Variants in BRINP3 observed in about 807,000 individuals in gnomAD.
BRINP3 encodes BMP/retinoic acid-inducible neural-specific protein 3.
BRINP3 carries 19 observed loss-of-function variants against 71.0 expected under a neutral mutation model. The ratio of observed to expected loss-of-function variants is 0.27; its 90% CI spans 0.19 to 0.39. The LOEUF is 0.39. Ranked by LOEUF, BRINP3 falls within the 10% of genes least tolerant of loss-of-function variation. The probability of loss-of-function intolerance (pLI) is 1.00; values close to 1 mark genes in which losing one functional copy is unlikely to be tolerated. For synonymous variants in BRINP3, 380 were observed against 337.7 expected (o/e 1.13, Z -1.37); for missense variants, 959 against 940.8 (o/e 1.02, Z -0.25).
intron 2 of BRINP3, among the ~76,000 whole-genome samples, chr1:190,426,220 C>G (rs779051837): frequency 1.3e-5 from 2 of 151,686 alleles, no homozygotes; most frequent in African/African-American, 4.8e-5. Context: ...CCAGTCTCAC[C>G]TTTATGTAGA....
intron 2 of BRINP3, among the ~76,000 whole-genome samples, chr1:190,372,459 C>G (rs1669927449): frequency 6.6e-6 from 1 of 152,164 alleles, no homozygotes; most frequent in Non-Finnish European, 1.5e-5. Context: ...CTTTGTGATG[C>G]TCAGGTTACA....
intron 2 of BRINP3, among the ~76,000 whole-genome samples, chr1:190,437,348 A>T (rs1001100114): frequency 6.6e-6 from 1 of 151,738 alleles, no homozygotes; most frequent in African/African-American, 2.4e-5. Flanking sequence ...TTAACATCTT[A>T]AACGACATAA....
rs1222112915 is a variant in BRINP3, at chr1:190,165,460, TTGTGTGTGTG to T, written c.962-4580_962-4571del. Among the ~76,000 whole-genome samples, 434 of 94,944 alleles carry T rather than the reference TTGTGTGTGTG, an allele frequency of 4.6e-3. 10 individuals are homozygous for T. The highest frequency in any genetic ancestry group is 5.9e-3 in the Non-Finnish European group (296 of 50,500). The allele number at this position is 94,944 out of a possible 152,430, so 62.3% of individuals were successfully genotyped here. On this transcript the variant is annotated intron_variant, in intron 6 of 7. Transcript: ENST00000367462. ...CATTGGCTGTTTTTTTTTTTTTTTT[TTGTGTGTGTG>T]TGTGTGTGTGTGTGTGTGTGTGTGT...
At chr1:190,282,098 C>T (rs1048023382) in intron 2 of BRINP3, among the ~76,000 whole-genome samples, 1 of 151,526 alleles carries the variant, frequency 6.6e-6, no homozygotes, top group African/African-American at 2.4e-5. Flanking sequence ...TTTTCATTTT[C>T]TAAGGTATAT....
intron 2 of BRINP3, among the ~76,000 whole-genome samples, chr1:190,339,427 T>G (rs999220967): frequency 6.6e-6 from 1 of 152,018 alleles, no homozygotes; most frequent in African/African-American, 2.4e-5. Context: ...TAGAATCACA[T>G]CTCAGTTCAC....
Position 190,159,744 on chromosome 1 carries a change from G to A in BRINP3, c.1184+924C>T, listed in dbSNP as rs1448602236. 2.0e-5 allele frequency among the ~76,000 whole-genome samples: 3 copies of A among 151,788 alleles called. No homozygotes were observed. The East Asian group carries it at 5.8e-4, about 29-fold the overall frequency. On this transcript the variant is annotated intron_variant, in intron 7 of 7. Coordinates refer to ENST00000367462, the MANE Select transcript of BRINP3 (RefSeq NM_199051.3). ...GTAATCCATTCCTTTTTGAGGCAAT[G>A]AAAATGACCTCACCTTAGATTATGA... is the stretch of plus-strand genomic sequence containing the variant.
intron 7 of BRINP3, among the ~76,000 whole-genome samples, chr1:190,138,514 A>G (rs1655162123): frequency 6.6e-6 from 1 of 152,152 alleles, no homozygotes. Flanking sequence ...CAGACAAGAG[A>G]GTCGTAGGAA....
chr1:190,245,187 CAG>C (rs1323698382), intron 4 of BRINP3, among the ~76,000 whole-genome samples: 1 of 151,462 alleles, frequency 6.6e-6, no homozygotes, highest in African/African-American at 2.4e-5. Flanking sequence ...ATTAGAAAGA[CAG>C]AAGTGGATTT....
intron 4 of BRINP3, among the ~76,000 whole-genome samples, chr1:190,240,736 G>A (rs920330716): frequency 2.5e-4 from 38 of 151,652 alleles, no homozygotes; most frequent in Admixed American, 2.5e-3. Context: ...GCCGGGTGTG[G>A]TGGTGGGTGC....
intron 6 of BRINP3, among the ~76,000 whole-genome samples, chr1:190,181,898 T>C (rs936201697): frequency 1.3e-5 from 2 of 152,046 alleles, no homozygotes; most frequent in Non-Finnish European, 2.9e-5. Context: ...TAGGGAGGTC[T>C]TTAGTGACAA....
intron 7 of BRINP3, among the ~76,000 whole-genome samples, chr1:190,160,050 C>T (rs1380267616): frequency 6.6e-6 from 1 of 151,950 alleles, no homozygotes. Flanking sequence ...TGTTTTCGAA[C>T]TGACCTCAAA....
rs1665172665 is a variant in BRINP3, at chr1:190,307,255, ATTGTT to A, written c.237-25510_237-25506del. Among the ~76,000 whole-genome samples the A allele has an allele frequency of 3.4e-5, 3 of 89,390 alleles. No homozygotes were observed. The Admixed American group carries it at 3.9e-4, about 12-fold the overall frequency. The allele number at this position is 89,390 out of a possible 152,430, so 58.6% of individuals were successfully genotyped here. On this transcript the variant is annotated intron_variant, in intron 2 of 7. Coordinates refer to ENST00000367462, the MANE Select transcript of BRINP3 (RefSeq NM_199051.3). ...ACGAACTGAGCTCCTCATTTAAAAC[ATTGTT>A]TTTTTTTTTTTTTTTTTTTTTTTTT...
At chr1:190,245,598 A>AT (rs1003021039) in intron 4 of BRINP3, among the ~76,000 whole-genome samples, 26 of 151,266 alleles carry the variant, frequency 1.7e-4, no homozygotes, top group East Asian at 7.8e-4. Context: ...AAGTTTAGTG[A>AT]TTTTTTTTTC....
chr1:190,254,314 T>C (rs1660444764), intron 4 of BRINP3, among the ~76,000 whole-genome samples: 1 of 151,908 alleles, frequency 6.6e-6, no homozygotes, highest in African/African-American at 2.4e-5. Flanking sequence ...GTGAAGAAAG[T>C]CATTTGTAGA....
At chr1:190,422,172 G>T (rs1409734006) in intron 2 of BRINP3, among the ~76,000 whole-genome samples, 1 of 151,596 alleles carries the variant, frequency 6.6e-6, no homozygotes, top group Non-Finnish European at 1.5e-5. Context: ...CTTAACTCGT[G>T]GTTAATTCAA....
chr1:190,328,018 AT>A (rs1666725086), intron 2 of BRINP3, among the ~76,000 whole-genome samples: 1 of 152,300 alleles, frequency 6.6e-6, no homozygotes, highest in East Asian at 1.9e-4. Flanking sequence ...TTACATGGAA[AT>A]TAAACAACTT....
chr1:190,334,272 G>A (rs1260745974), intron 2 of BRINP3, among the ~76,000 whole-genome samples: 3 of 151,682 alleles, frequency 2.0e-5, no homozygotes, highest in Non-Finnish European at 2.9e-5. Context: ...CCCACGCTAC[G>A]TTCAAGGAAC....
chr1:190,336,409 T>C (rs931226926), intron 2 of BRINP3, among the ~76,000 whole-genome samples: 3 of 152,056 alleles, frequency 2.0e-5, no homozygotes, highest in African/African-American at 7.2e-5. Context: ...GCATGGATTC[T>C]AGAAGAAAGC....
chr1:190,444,535 T>TTTA (rs1558292468), intron 2 of BRINP3, among the ~76,000 whole-genome samples: 137 of 151,948 alleles, frequency 9.0e-4, no homozygotes, highest in African/African-American at 3.2e-3. Context: ...TTATTTATTT[T>TTTA]TTTATTTATT....
Sources: gnomAD v4.1 joint callset for allele counts (sites outside exome capture counted in the v4.1 genomes callset) on GRCh38, gnomAD v4.1.1 for gene constraint, MANE v1.5 for transcripts, NCBI Gene and HGNC (gene_info 2026-07-23, HGNC 2026-07-21) for gene names.